Variants in EFNA5 observed in about 807,000 individuals in gnomAD.
The protein encoded by EFNA5 is ephrin-A5.
In EFNA5, 5 loss-of-function variants were observed where a neutral mutation model predicts 22.9. The ratio of observed to expected loss-of-function variants is 0.22; its 90% CI spans 0.11 to 0.46. The LOEUF (loss-of-function observed/expected upper bound fraction) is 0.46, where lower values mean the gene tolerates loss of function less well. Ranked by LOEUF, EFNA5 falls within the 20% of genes least tolerant of loss-of-function variation. EFNA5 has a pLI of 0.99. For synonymous variants in EFNA5, 113 were observed against 112.2 expected (o/e 1.01, Z -0.04); for missense variants, 237 against 293.3 (o/e 0.81, Z 1.40).
chr5:107,470,773 A>G (rs1750116915), intron 1 of EFNA5, among the ~76,000 whole-genome samples: 1 of 152,180 alleles, frequency 6.6e-6, no homozygotes, highest in Non-Finnish European at 1.5e-5. Context: ...CACAAGAATG[A>G]TGAAATGAAA....
chr5:107,591,922 A>AT (rs1327035129), intron 1 of EFNA5, among the ~76,000 whole-genome samples: 7 of 10,214 alleles, frequency 6.9e-4, no homozygotes, highest in South Asian at 3.2e-3. Flanking sequence ...AAAAATATAT[A>AT]TATAATATAT....
At chr5:107,446,278 T>C (rs1473558373) in intron 1 of EFNA5, among the ~76,000 whole-genome samples, 1 of 152,224 alleles carries the variant, frequency 6.6e-6, no homozygotes, top group Non-Finnish European at 1.5e-5. Context: ...TATTCAATTA[T>C]ACTATTTATG....
At chr5:107,401,670 A>G (rs903217566) in intron 2 of EFNA5, among the ~76,000 whole-genome samples, 4 of 152,302 alleles carry the variant, frequency 2.6e-5, no homozygotes, top group Admixed American at 2.0e-4. Context: ...AAGATGAGAA[A>G]TCAGTAAATT....
chr5:107,560,652 A>C (rs753246296), intron 1 of EFNA5, among the ~76,000 whole-genome samples: 4 of 152,206 alleles, frequency 2.6e-5, no homozygotes, highest in Non-Finnish European at 5.9e-5. Context: ...AGCAAGGACA[A>C]GTGGCTTAAC....
At chr5:107,625,124 G>A (rs1458301074) in intron 1 of EFNA5, among the ~76,000 whole-genome samples, 1 of 152,050 alleles carries the variant, frequency 6.6e-6, no homozygotes, top group Non-Finnish European at 1.5e-5. Flanking sequence ...CCAAACTTAC[G>A]CTGTAGCAAC....
chr5:107,530,187 C>A (rs554081155), intron 1 of EFNA5, among the ~76,000 whole-genome samples: 2 of 152,322 alleles, frequency 1.3e-5, no homozygotes, highest in African/African-American at 2.4e-5. Flanking sequence ...TGTAAGTCAG[C>A]AAGGGGCTCT....
chr5:107,431,438 T>C (rs1368207419), intron 1 of EFNA5, among the ~76,000 whole-genome samples: 1 of 152,220 alleles, frequency 6.6e-6, no homozygotes, highest in South Asian at 2.1e-4. Context: ...GTATGGCTAA[T>C]ATTAGAGTGC....
chr5:107,486,017 T>C (rs1246690909), intron 1 of EFNA5, among the ~76,000 whole-genome samples: 1 of 152,178 alleles, frequency 6.6e-6, no homozygotes, highest in Non-Finnish European at 1.5e-5. Flanking sequence ...GACAATGTCA[T>C]GTTGAGGGTA....
chr5:107,612,493 A>T (rs557380441), intron 1 of EFNA5, among the ~76,000 whole-genome samples: 57 of 152,258 alleles, frequency 3.7e-4, no homozygotes, highest in Middle Eastern at 3.4e-3. Flanking sequence ...TTTTTAAAAT[A>T]TAATTTGAAA....
chr5:107,563,702 A>T (rs971653737), intron 1 of EFNA5, among the ~76,000 whole-genome samples: 8 of 152,020 alleles, frequency 5.3e-5, no homozygotes, highest in African/African-American at 1.4e-4. Context: ...CAGCCTCCCA[A>T]AGTGCTGGGA....
At chr5:107,663,433 G>T (rs990257821) in intron 1 of EFNA5, among the ~76,000 whole-genome samples, 1 of 152,104 alleles carries the variant, frequency 6.6e-6, no homozygotes, top group Non-Finnish European at 1.5e-5. Context: ...CTAACAACAT[G>T]ATTGTCCAAG....
Position 107,623,027 on chromosome 5 carries a change from CAAAAAAAAAA to C in EFNA5, c.125+47452_125+47461del, listed in dbSNP as rs61689503. ...TGGGTGACAGAGCGAGACTCCGTCT[CAAAAAAAAAA>C]AAAAAAAAAAAAAAAAAAAAAGTTG... is the stretch of plus-strand genomic sequence containing the variant. On this transcript the variant is annotated intron_variant, in intron 1 of 4. Transcript: ENST00000333274. 7.4e-4 allele frequency among the ~76,000 whole-genome samples: 22 copies of C among 29,904 alleles called. 1 individual carries two copies. The highest frequency in any genetic ancestry group is 4.9e-3 in the East Asian group (5 of 1,012). The allele number at this position is 29,904 out of a possible 152,430, so 19.6% of individuals were successfully genotyped here. A position where few individuals can be genotyped will look rare whatever the true frequency, so the allele number is the denominator to read the frequency against.
At chr5:107,487,900 G>T (rs1746686020) in intron 1 of EFNA5, among the ~76,000 whole-genome samples, 1 of 152,222 alleles carries the variant, frequency 6.6e-6, no homozygotes, top group African/African-American at 2.4e-5. Context: ...GATGAGGCTG[G>T]ATAGACCAGC....
intron 1 of EFNA5, among the ~76,000 whole-genome samples, chr5:107,576,986 C>G (rs975583143): frequency 6.6e-6 from 1 of 152,160 alleles, no homozygotes; most frequent in Non-Finnish European, 1.5e-5. Context: ...AACTTGCCCA[C>G]CTATCTCAGC....
At chr5:107,651,408 A>C (rs1410589917) in intron 1 of EFNA5, among the ~76,000 whole-genome samples, 2 of 152,134 alleles carry the variant, frequency 1.3e-5, no homozygotes, top group Non-Finnish European at 2.9e-5. Flanking sequence ...TAAAGCAAAA[A>C]TGAATCTCTT....
chr5:107,601,401 AC>A (rs1749590710), intron 1 of EFNA5, among the ~76,000 whole-genome samples: 1 of 132,726 alleles, frequency 7.5e-6, no homozygotes, highest in South Asian at 2.2e-4. Context: ...TCTGCCCACC[AC>A]TGTACTGGGC....
chr5:107,628,646 A>T (rs1036723735), intron 1 of EFNA5, among the ~76,000 whole-genome samples: 3 of 152,202 alleles, frequency 2.0e-5, no homozygotes, highest in African/African-American at 7.2e-5. Context: ...AATACTAAAT[A>T]TTACATTGAT....
intron 2 of EFNA5, among the ~76,000 whole-genome samples, chr5:107,412,265 TG>T: frequency 6.6e-6 from 1 of 152,334 alleles, no homozygotes. Flanking sequence ...TGCTTCCCAG[TG>T]GTGCCTTGAA....
In EFNA5 at chr5:107,378,185, C is replaced by T. The variant is rs1747321319; in HGVS notation, c.*3070G>A. 3 of 143,576 alleles carry T rather than the reference C, an allele frequency of 2.1e-5. No homozygotes were observed. Among genetic ancestry groups the T allele is most frequent in the South Asian group, 2.1e-4 (1 of 4,678 alleles). The allele number at this position is 143,576 out of a possible 1,614,324, so 8.9% of individuals were successfully genotyped here. ...TGCTAATAATACAGAATTTAAAGAA[C>T]GCAGTTTTTTTTTTTTTTTTAATGT... is the stretch of plus-strand genomic sequence containing the variant. On this transcript the variant is annotated 3_prime_UTR_variant, in exon 5 of 5. Transcript: ENST00000333274.
Sources: gnomAD v4.1 joint callset for allele counts (sites outside exome capture counted in the v4.1 genomes callset) on GRCh38, gnomAD v4.1.1 for gene constraint, MANE v1.5 for transcripts, NCBI Gene and HGNC (gene_info 2026-07-23, HGNC 2026-07-21) for gene names.